The following NOX4 variants were observed in gnomAD, a reference collection of about 807,000 sequenced individuals.
The protein encoded by NOX4 is kidney oxidase-1.
NOX4 carries 69 observed loss-of-function variants against 87.6 expected under a neutral mutation model. That is an observed-to-expected ratio of 0.79 (90% CI 0.65 to 0.96). The LOEUF (loss-of-function observed/expected upper bound fraction) is 0.96. Ranked by LOEUF, NOX4 falls within the 40% of genes least tolerant of loss-of-function variation. The pLI, the probability that NOX4 is intolerant of heterozygous loss-of-function variation, is 0.00. For synonymous variants in NOX4, 275 were observed against 238.2 expected (o/e 1.15, Z -1.42); for missense variants, 680 against 681.5 (o/e 1.00, Z 0.02).
chr11:89,347,238 G>A (rs555814441), intron 13 of NOX4, among the ~76,000 whole-genome samples: 2 of 152,272 alleles, frequency 1.3e-5, no homozygotes, highest in African/African-American at 4.8e-5. Flanking sequence ...ACTAATCTAA[G>A]CAGAGCATAT....
chr11:89,575,352 T>A, the NOX4 span, among the ~76,000 whole-genome samples: 1 of 152,104 alleles, frequency 6.6e-6, no homozygotes, highest in African/African-American at 2.4e-5. Flanking sequence ...CCAAGAAATT[T>A]TTTCACCCAG....
intron 17 of NOX4, among the ~76,000 whole-genome samples, chr11:89,331,589 G>C (rs1182906197): frequency 6.6e-6 from 1 of 151,768 alleles, no homozygotes; most frequent in East Asian, 1.9e-4. Flanking sequence ...TAAACTTTCT[G>C]TCAACGCCAT....
At chr11:89,430,487 A>G (rs918221516) in intron 7 of NOX4, among the ~76,000 whole-genome samples, 1 of 152,234 alleles carries the variant, frequency 6.6e-6, no homozygotes, top group Non-Finnish European at 1.5e-5. Context: ...CCTTAAGGTG[A>G]TAAGCAACTT....
At chr11:89,350,852 G>A (rs1946426438) in intron 13 of NOX4, among the ~76,000 whole-genome samples, 1 of 151,916 alleles carries the variant, frequency 6.6e-6, no homozygotes, top group South Asian at 2.1e-4. Flanking sequence ...CCCTTACCTG[G>A]GACCATCCTC....
At chr11:89,353,424 A>C (rs1456850325) in intron 13 of NOX4, among the ~76,000 whole-genome samples, 1 of 152,190 alleles carries the variant, frequency 6.6e-6, no homozygotes. Flanking sequence ...CAAAAAGTTT[A>C]TGACTTGCTG....
chr11:89,556,568 C>T, the NOX4 span, among the ~76,000 whole-genome samples: 5 of 151,918 alleles, frequency 3.3e-5, no homozygotes, highest in Non-Finnish European at 5.9e-5. Flanking sequence ...AAACCTACAT[C>T]TTCAGGAGTA....
the NOX4 span, among the ~76,000 whole-genome samples, chr11:89,574,971 T>A: frequency 6.6e-6 from 1 of 152,226 alleles, no homozygotes; most frequent in African/African-American, 2.4e-5. Flanking sequence ...TCACTTAAGG[T>A]CAGGAGTTTG....
At chr11:89,350,701 C>T in intron 13 of NOX4, among the ~76,000 whole-genome samples, 1 of 152,148 alleles carries the variant, frequency 6.6e-6, no homozygotes, top group Non-Finnish European at 1.5e-5. Flanking sequence ...GAAATACATT[C>T]TAATTGTTTG....
chr11:89,468,702 A>AT (rs1279860748), intron 2 of NOX4, among the ~76,000 whole-genome samples: 1 of 151,990 alleles, frequency 6.6e-6, no homozygotes, highest in Non-Finnish European at 1.5e-5. Context: ...GTATTCTTAT[A>AT]TTTTTCCCTC....
the NOX4 span, among the ~76,000 whole-genome samples, chr11:89,587,281 T>G: frequency 6.6e-5 from 10 of 152,146 alleles, no homozygotes; most frequent in African/African-American, 2.4e-4. Context: ...AGGAGACTAT[T>G]AAAATGGTGA....
At chr11:89,506,453 T>C in the NOX4 span, among the ~76,000 whole-genome samples, 1 of 151,782 alleles carries the variant, frequency 6.6e-6, no homozygotes, top group Admixed American at 6.6e-5. Context: ...ATCATAGACC[T>C]AAATGTAAAG....
intron 2 of NOX4, among the ~76,000 whole-genome samples, chr11:89,461,502 G>A (rs35964075): frequency 2.5e-3 from 377 of 151,638 alleles, no homozygotes; most frequent in Middle Eastern, 0.02. Flanking sequence ...AAAATTGACC[G>A]GGTGTGGTGA....
chr11:89,553,069 C>A, the NOX4 span, among the ~76,000 whole-genome samples: 1 of 152,124 alleles, frequency 6.6e-6, no homozygotes, highest in Non-Finnish European at 1.5e-5. Flanking sequence ...TAACCTGCCC[C>A]ATCTCTATCC....
chr11:89,380,608 T>C (rs878969333), intron 11 of NOX4, among the ~76,000 whole-genome samples: 1 of 152,156 alleles, frequency 6.6e-6, no homozygotes, highest in South Asian at 2.1e-4. Context: ...CAATATTCAA[T>C]AGATTTACCC....
chr11:89,525,008 G>C, the NOX4 span, among the ~76,000 whole-genome samples: 22 of 151,918 alleles, frequency 1.4e-4, no homozygotes, highest in African/African-American at 4.3e-4. Context: ...AATACAAACT[G>C]TTATGCAGAT....
chr11:89,351,981 T>A (rs1565187446), intron 13 of NOX4, among the ~76,000 whole-genome samples: 2 of 152,110 alleles, frequency 1.3e-5, no homozygotes, highest in African/African-American at 2.4e-5. Flanking sequence ...CTGGAGACCA[T>A]TACCCTGAAT....
chr11:89,526,412 CCTT>C, the NOX4 span, among the ~76,000 whole-genome samples: 1 of 152,116 alleles, frequency 6.6e-6, no homozygotes, highest in Non-Finnish European at 1.5e-5. Context: ...ACTTTGATCT[CCTT>C]CTTTATAAAA....
the NOX4 span, among the ~76,000 whole-genome samples, chr11:89,527,731 T>G: frequency 6.6e-6 from 1 of 152,044 alleles, no homozygotes; most frequent in South Asian, 2.1e-4. Context: ...TTTCAGAGGA[T>G]GTATGGAAGT....
intron 2 of NOX4, among the ~76,000 whole-genome samples, chr11:89,458,890 G>T (rs953205431): frequency 2.6e-5 from 4 of 152,116 alleles, no homozygotes; most frequent in African/African-American, 9.7e-5. Context: ...GTGGAAAATA[G>T]TTTTGCAATT....
Sources: allele counts gnomAD v4.1 joint callset (sites outside exome capture counted in the v4.1 genomes callset), GRCh38; gene constraint gnomAD v4.1.1; transcripts MANE v1.5; gene names NCBI Gene and HGNC (gene_info 2026-07-23, HGNC 2026-07-21).